SPAG9: variants seen among roughly 807,000 people sequenced by gnomAD.
The protein encoded by SPAG9 is sperm associated antigen 9.
SPAG9 carries 35 observed loss-of-function variants against 166.5 expected under a neutral mutation model. That is an observed-to-expected ratio of 0.21 (90% CI 0.16 to 0.28). The LOEUF (loss-of-function observed/expected upper bound fraction) is 0.28, where lower values mean the gene tolerates loss of function less well. SPAG9 is among the 10% of genes least tolerant of loss of function. The pLI is 1.00. For synonymous variants in SPAG9, 534 were observed against 565.5 expected (o/e 0.94, Z 0.79); for missense variants, 1,235 against 1,603.3 (o/e 0.77, Z 3.92).
chr17:51,108,699 G>A (rs1281436405), intron 1 of SPAG9, among the ~76,000 whole-genome samples: 1 of 152,082 alleles, frequency 6.6e-6, no homozygotes, highest in Non-Finnish European at 1.5e-5. Flanking sequence ...GTCTCACTAT[G>A]TTGCCCAGGC....
chr17:51,077,250 A>C (rs532061381), intron 2 of SPAG9, among the ~76,000 whole-genome samples: 2 of 151,892 alleles, frequency 1.3e-5, no homozygotes, highest in East Asian at 3.9e-4. Flanking sequence ...CAGCCTCCCG[A>C]GGAGCTGAGA....
chr17:50,994,828 T>A (rs960499299), intron 18 of SPAG9, among the ~76,000 whole-genome samples: 3 of 150,856 alleles, frequency 2.0e-5, no homozygotes, highest in African/African-American at 7.5e-5. Context: ...AGTGATTACA[T>A]ACGTGTACAC....
intron 24 of SPAG9, among the ~76,000 whole-genome samples, chr17:50,983,339 T>C (rs1974795160): frequency 6.6e-6 from 1 of 152,258 alleles, no homozygotes; most frequent in African/African-American, 2.4e-5. Context: ...ACTTCTTCGT[T>C]ACAGCCCTAT....
intron 2 of SPAG9, among the ~76,000 whole-genome samples, chr17:51,079,154 G>A (rs1297417814): frequency 6.6e-6 from 1 of 152,016 alleles, no homozygotes; most frequent in Non-Finnish European, 1.5e-5. Flanking sequence ...TCTTGAGTCT[G>A]GGATGACAAT....
At chr17:51,009,453 A>G (rs2144050318) in intron 9 of SPAG9, among the ~76,000 whole-genome samples, 1 of 152,324 alleles carries the variant, frequency 6.6e-6, no homozygotes, top group Non-Finnish European at 1.5e-5. Context: ...AAAGGTACAA[A>G]GTCCTCAGTG....
chr17:51,003,460 C>T (rs1347186198), intron 12 of SPAG9, among the ~76,000 whole-genome samples: 1 of 152,076 alleles, frequency 6.6e-6, no homozygotes, highest in Non-Finnish European at 1.5e-5. Flanking sequence ...CACATACTCA[C>T]CCAAGACCAG....
At chr17:51,009,798 T>G (rs1319595795) in intron 9 of SPAG9, among the ~76,000 whole-genome samples, 1 of 152,018 alleles carries the variant, frequency 6.6e-6, no homozygotes, top group African/African-American at 2.4e-5. Context: ...CCGGATGAAG[T>G]AGAAATAAAG....
chr17:50,984,887 A>G, intron 24 of SPAG9, 36 bp downstream of exon 24: 7 of 1,554,420 alleles, frequency 4.5e-6, no homozygotes, highest in Non-Finnish European at 6.2e-6. Flanking sequence ...CAAAGCAACA[A>G]ATTAGTGTCC....
rs2046887124 is a variant in SPAG9, at chr17:51,042,769, A to T, written c.591-1118T>A. ...AAAACTATCCCAATGCCTTCTTAAA[A>T]ATGAGGTGAAGCAAAGGGGTTGAGA... On this transcript the variant is annotated intron_variant, in intron 4 of 29. Transcript: ENST00000262013. Among the ~76,000 whole-genome samples the T allele has an allele frequency of 2.0e-5, 3 of 152,246 alleles. No homozygotes were observed. In the South Asian group the frequency reaches 6.2e-4, roughly 32 times the overall value.
intron 1 of SPAG9, among the ~76,000 whole-genome samples, chr17:51,112,370 C>CA (rs767699831): frequency 0.13 from 4,824 of 38,488 alleles, 269 homozygotes; most frequent in Non-Finnish European, 0.17. Context: ...CCCATCTCTA[C>CA]AAAAAAAAAA....
rs920757899 is a variant in SPAG9 at position 50,965,504 on chromosome 17, G to A, written c.*768C>T. On this transcript the variant is annotated 3_prime_UTR_variant, in exon 30 of 30. Coordinates refer to ENST00000262013, the MANE Select transcript of SPAG9 (RefSeq NM_001130528.3). ...GTATCTTCTAAGCTTCCCAGAGTAT[G>A]TCCTAAGCTTTATAAATAATAAATC... is the stretch of plus-strand genomic sequence containing the variant. 30 of 152,170 alleles carry A rather than the reference G, an allele frequency of 2.0e-4. No individual in the cohort carries two copies. Among genetic ancestry groups the A allele is most frequent in the African/African-American group, 7.2e-4 (30 of 41,496 alleles). The allele number at this position is 152,170 out of a possible 1,614,324, so 9.4% of individuals were successfully genotyped here. A position where few individuals can be genotyped will look rare whatever the true frequency, so the allele number is the denominator to read the frequency against.
chr17:51,070,208 C>T (rs2047785552), intron 2 of SPAG9, among the ~76,000 whole-genome samples: 1 of 152,050 alleles, frequency 6.6e-6, no homozygotes, highest in Admixed American at 6.6e-5. Context: ...GCTCTATACT[C>T]AGGGAAGAAT....
intron 4 of SPAG9, chr17:51,042,492 G>A (rs779129208): frequency 5.3e-5 from 8 of 152,172 alleles, no homozygotes; most frequent in Non-Finnish European, 1.0e-4. Flanking sequence ...ACTCAAAAGT[G>A]TAGAAACTAG....
chr17:51,077,060 A>C (rs2048023557), intron 2 of SPAG9, among the ~76,000 whole-genome samples: 1 of 117,026 alleles, frequency 8.5e-6, no homozygotes, highest in African/African-American at 3.6e-5. Context: ...CTAGCTAGCT[A>C]TCTAGCTAGC....
chr17:51,040,818 CATG>C (rs754099359), intron 5 of SPAG9, among the ~76,000 whole-genome samples: 1 of 152,120 alleles, frequency 6.6e-6, no homozygotes, highest in Non-Finnish European at 1.5e-5. Flanking sequence ...TGGCCTGTTT[CATG>C]ATGAGTTGAT....
In SPAG9 at chr17:51,053,883, ATATATATATATATAT is replaced by A. The variant is rs2047274858; in HGVS notation, c.495+2514_495+2528del. ...TATATATATATATATATATATATAT[ATATATATATATATAT>A]AAAACATATATGTATTTATAATTAT... On this transcript the variant is annotated intron_variant, in intron 3 of 29. Coordinates refer to ENST00000262013, the MANE Select transcript of SPAG9 (RefSeq NM_001130528.3). 1.5e-4 allele frequency among the ~76,000 whole-genome samples: 17 copies of A among 114,194 alleles called. No homozygotes were observed. The South Asian group carries it at 3.6e-3, about 24-fold the overall frequency. The allele number at this position is 114,194 out of a possible 152,430, so 74.9% of individuals were successfully genotyped here.
chr17:51,002,766 A>AAAC (rs75218074), intron 12 of SPAG9, among the ~76,000 whole-genome samples: 17,518 of 151,768 alleles, frequency 0.12, 1,190 homozygotes, highest in Non-Finnish European at 0.16. Flanking sequence ...TTAAAAAACA[A>AAAC]AACAACAACA....
At chr17:51,103,600 G>A (rs2048863844) in intron 1 of SPAG9, among the ~76,000 whole-genome samples, 1 of 152,166 alleles carries the variant, frequency 6.6e-6, no homozygotes, top group South Asian at 2.1e-4. Flanking sequence ...GGTCTTGTAT[G>A]TTAGGAACTT....
At position 50,974,767 on chromosome 17, in the gene SPAG9, A is replaced by G. The variant is rs1974098070; in HGVS notation, c.3700+4T>C. 6.3e-7 allele frequency: 1 copy of G among 1,592,768 alleles called. No homozygotes were observed. Among genetic ancestry groups the G allele is most frequent in the Admixed American group, 1.9e-5 (1 of 52,994 alleles). On this transcript the variant is annotated splice_donor_region_variant and intron_variant, in intron 28 of 29. Coordinates refer to ENST00000262013, the MANE Select transcript of SPAG9 (RefSeq NM_001130528.3). ...GAACATCTCAACAGAATAATCTAAC[A>G]TACCTGGGACTGCCACAAAGAATTT... is the stretch of plus-strand genomic sequence containing the variant.
Sources: gnomAD v4.1 joint callset for allele counts (sites outside exome capture counted in the v4.1 genomes callset) on GRCh38, gnomAD v4.1.1 for gene constraint, MANE v1.5 for transcripts, NCBI Gene and HGNC (gene_info 2026-07-23, HGNC 2026-07-21) for gene names.